The following PCDH9 variants were observed in gnomAD, a reference collection of about 807,000 sequenced individuals.
PCDH9 encodes protocadherin 9.
Under a neutral mutation model 70.6 loss-of-function variants are expected in PCDH9, and 24 were observed. The observed-to-expected ratio is 0.34, with a 90% CI of 0.25 to 0.48. The LOEUF (loss-of-function observed/expected upper bound fraction) is 0.48, where lower values mean the gene tolerates loss of function less well. Ranked by LOEUF, PCDH9 falls within the 20% of genes least tolerant of loss-of-function variation. The pLI is 0.99. For synonymous variants in PCDH9, 562 were observed against 558.5 expected, an observed-to-expected ratio of 1.01 and a Z score of -0.09; for missense variants, 1,281 against 1,503.6, an observed-to-expected ratio of 0.85 and a Z score of 2.45.
intron 4 of PCDH9, among the ~76,000 whole-genome samples, chr13:66,330,106 C>T (rs1348702070): frequency 6.6e-6 from 1 of 152,188 alleles, no homozygotes; most frequent in Non-Finnish European, 1.5e-5. Flanking sequence ...ACATTGCACT[C>T]CACCACTTCA....
chr13:66,970,796 C>A (rs1345847175), intron 2 of PCDH9, among the ~76,000 whole-genome samples: 1 of 151,844 alleles, frequency 6.6e-6, no homozygotes, highest in Non-Finnish European at 1.5e-5. Flanking sequence ...TTGTTATTCC[C>A]CAATCCATTC....
At chr13:66,900,453 C>G (rs1378525490) in intron 3 of PCDH9, among the ~76,000 whole-genome samples, 1 of 151,742 alleles carries the variant, frequency 6.6e-6, no homozygotes, top group East Asian at 1.9e-4. Context: ...CAGCATTTTA[C>G]CCTAGCAGTA....
intron 2 of PCDH9, among the ~76,000 whole-genome samples, chr13:66,970,644 CAAA>C (rs67043290): frequency 1.7e-5 from 2 of 117,062 alleles, no homozygotes; most frequent in Non-Finnish European, 3.4e-5. Flanking sequence ...AAAAAAAAAG[CAAA>C]AAAAAAAAAA....
chr13:66,914,125 T>A (rs1488414814), intron 2 of PCDH9, among the ~76,000 whole-genome samples: 1 of 152,004 alleles, frequency 6.6e-6, no homozygotes, highest in Non-Finnish European at 1.5e-5. Context: ...AGTGTTTTTT[T>A]AAATCTATTT....
At chr13:66,583,119 A>G (rs74093370) in intron 4 of PCDH9, among the ~76,000 whole-genome samples, 2,183 of 147,298 alleles carry the variant, frequency 0.015, 67 homozygotes, top group African/African-American at 0.052. Flanking sequence ...TTTTTTTTTA[A>G]TGCATTGGTT....
chr13:66,649,062 C>T (rs990326183), intron 3 of PCDH9, among the ~76,000 whole-genome samples: 2 of 151,962 alleles, frequency 1.3e-5, no homozygotes, highest in Non-Finnish European at 2.9e-5. Flanking sequence ...CCTACAAGAT[C>T]TAGAAAATGG....
At chr13:66,714,048 T>A (rs2139136473) in intron 3 of PCDH9, among the ~76,000 whole-genome samples, 1 of 152,294 alleles carries the variant, frequency 6.6e-6, no homozygotes. Context: ...ATTAATATAC[T>A]TTTGAAGGCT....
At chr13:66,336,807 C>T (rs1956045620) in intron 4 of PCDH9, among the ~76,000 whole-genome samples, 1 of 151,992 alleles carries the variant, frequency 6.6e-6, no homozygotes, top group Non-Finnish European at 1.5e-5. Flanking sequence ...GTTTTATCAA[C>T]CTCAGCCCAG....
intron 4 of PCDH9, among the ~76,000 whole-genome samples, chr13:66,547,242 G>T (rs1471865977): frequency 6.6e-6 from 1 of 152,160 alleles, no homozygotes; most frequent in African/African-American, 2.4e-5. Flanking sequence ...TACTTTGTAT[G>T]ACACCTTGAA....
intron 4 of PCDH9, among the ~76,000 whole-genome samples, chr13:66,400,919 GATA>G (rs1362993983): frequency 1.3e-5 from 2 of 152,138 alleles, no homozygotes; most frequent in East Asian, 3.9e-4. Context: ...ACCAGGGATT[GATA>G]ATGTCATCTT....
intron 4 of PCDH9, among the ~76,000 whole-genome samples, chr13:66,357,362 T>C (rs1213587182): frequency 6.6e-6 from 1 of 152,092 alleles, no homozygotes; most frequent in African/African-American, 2.4e-5. Flanking sequence ...AATGAATTTC[T>C]TCAGGGTAAC....
intron 3 of PCDH9, among the ~76,000 whole-genome samples, chr13:66,738,639 G>C (rs1405958924): frequency 2.1e-5 from 3 of 145,044 alleles, no homozygotes; most frequent in Non-Finnish European, 3.0e-5. Context: ...ATACAGAGAA[G>C]TGCTTAAAGG....
chr13:67,001,798 G>C (rs1380110602), intron 2 of PCDH9: 1 of 152,098 alleles, frequency 6.6e-6, no homozygotes, highest in Non-Finnish European at 1.5e-5. Flanking sequence ...GCTATATTAG[G>C]CTTCTTTAGC....
chr13:66,980,730 G>GTTTTTTTTTTTTTTTTTTTT lies in PCDH9; in HGVS notation c.3037-77126_3037-77125insAAAAAAAAAAAAAAAAAAAA. On this transcript the variant is annotated intron_variant, in intron 2 of 4. Coordinates refer to ENST00000377865, the MANE Select transcript of PCDH9 (RefSeq NM_203487.3). ...TTTGTTTTTTCCTGTTTTTTTCTTT[G>GTTTTTTTTTTTTTTTTTTTT]TTTTTTTTTTTGTTTTTTTTTTTAC... Among the ~76,000 whole-genome samples, 26 of 70,890 alleles carry GTTTTTTTTTTTTTTTTTTTT rather than the reference G, an allele frequency of 3.7e-4. 3 individuals are homozygous for GTTTTTTTTTTTTTTTTTTTT. Among genetic ancestry groups the GTTTTTTTTTTTTTTTTTTTT allele is most frequent in the East Asian group, 7.9e-4 (2 of 2,538 alleles). The allele number at this position is 70,890 out of a possible 152,430, so 46.5% of individuals were successfully genotyped here.
intron 2 of PCDH9, among the ~76,000 whole-genome samples, chr13:67,028,565 T>C (rs1475416610): frequency 6.9e-6 from 1 of 145,622 alleles, no homozygotes; most frequent in Non-Finnish European, 1.5e-5. Context: ...ACTTTAAGTA[T>C]AATAATAATA....
At chr13:66,312,859 C>T (rs780962646) in intron 4 of PCDH9, among the ~76,000 whole-genome samples, 1 of 152,168 alleles carries the variant, frequency 6.6e-6, no homozygotes, top group African/African-American at 2.4e-5. Flanking sequence ...ACACATTTCT[C>T]ATACAGATTT....
intron 4 of PCDH9, among the ~76,000 whole-genome samples, chr13:66,512,103 T>C (rs996129734): frequency 4.6e-5 from 7 of 152,130 alleles, no homozygotes; most frequent in African/African-American, 1.4e-4. Flanking sequence ...TCCTAATTAA[T>C]ATTTACTTCC....
Position 66,705,657 on chromosome 13 carries a change from A to T in PCDH9, c.3139-74246T>A, listed in dbSNP as rs2078701745. On this transcript the variant is annotated intron_variant, in intron 3 of 4. Transcript: ENST00000377865. ...GTTTGTGAAAATGTCACATAAAGTG[A>T]TAAAATCTAAAATGCAGTTTTTGCT... is the stretch of plus-strand genomic sequence containing the variant. 2.6e-5 allele frequency among the ~76,000 whole-genome samples: 4 copies of T among 152,228 alleles called. No individual in the cohort carries two copies. The South Asian group carries it at 8.3e-4, about 32-fold the overall frequency.
intron 4 of PCDH9, among the ~76,000 whole-genome samples, chr13:66,388,769 T>C (rs1162839494): frequency 2.0e-5 from 3 of 152,140 alleles, no homozygotes; most frequent in East Asian, 3.8e-4. Flanking sequence ...AACCAATATG[T>C]ATTTTCACAA....
Sources: allele counts gnomAD v4.1 joint callset (sites outside exome capture counted in the v4.1 genomes callset), GRCh38; gene constraint gnomAD v4.1.1; transcripts MANE v1.5; gene names NCBI Gene and HGNC (gene_info 2026-07-23, HGNC 2026-07-21).